XPO6: variants seen among roughly 807,000 people sequenced by gnomAD.
The protein encoded by XPO6 is exportin 6.
A neutral mutation model predicts 130.0 loss-of-function variants in XPO6; 3 were observed. That is an observed-to-expected ratio of 0.02 (90% confidence interval 0.01 to 0.06). The LOEUF (loss-of-function observed/expected upper bound fraction) is 0.06. XPO6 is among the 10% of genes least tolerant of loss of function. The pLI is 1.00. For synonymous variants in XPO6, 524 were observed against 548.9 expected (o/e 0.95, Z 0.63); for missense variants, 970 against 1,393.0 (o/e 0.70, Z 4.83).
chr16:28,194,634 C>A (rs2141895548), intron 1 of XPO6, among the ~76,000 whole-genome samples: 1 of 152,238 alleles, frequency 6.6e-6, no homozygotes, highest in African/African-American at 2.4e-5. Context: ...CAGAAAAGCC[C>A]TGCACTAAAG....
Position 28,166,528 on chromosome 16 carries a change from G to T in XPO6, c.623C>A (p.Ser208Tyr), listed in dbSNP as rs1379137492. 8.2e-6 allele frequency: 13 copies of T among 1,592,608 alleles called. No homozygotes were observed. Among genetic ancestry groups the T allele is most frequent in the Non-Finnish European group, 1.1e-5 (13 of 1,168,428 alleles). ...CATACCACTTTCTCCTGAGGTCGGG[G>T]ATGGTGGTGGAGTGGCAGCAGTAAC... Reference protein sequence around the residue: ...HSVTAATPPPSPTSGESGDLL... With the variant: ...HSVTAATPPPYPTSGESGDLL... The change falls in exon 6 of 24, where the codon TCC (serine) becomes TAC (tyrosine). Residue 208 changes from serine (S) to tyrosine (Y), a missense_variant. This residue lies in a region of XPO6 where 936 missense variants were observed against 1,306.8 expected (regional missense o/e 0.72). Coordinates refer to ENST00000304658, the MANE Select transcript of XPO6 (RefSeq NM_015171.4).
At chr16:28,175,793 G>A in intron 4 of XPO6, 105 bp downstream of exon 4, 1 of 907,844 alleles carries the variant, frequency 1.1e-6, no homozygotes, top group Non-Finnish European at 1.7e-6. Context: ...CCTCACTACT[G>A]CAGTTCCAAA....
intron 16 of XPO6, among the ~76,000 whole-genome samples, chr16:28,112,481 T>C (rs1169291794): frequency 6.6e-6 from 1 of 152,202 alleles, no homozygotes; most frequent in East Asian, 1.9e-4. Context: ...TTAGGTGGTT[T>C]TTAAACTTCT....
Position 28,156,355 on chromosome 16 carries a change from G to A in XPO6, c.816C>T (p.Thr272=). The change falls in exon 7 of 24, where the codon ACC becomes ACT. Residue 272 remains threonine, a synonymous_variant. Coordinates refer to ENST00000304658, the MANE Select transcript of XPO6 (RefSeq NM_015171.4). ...LSASITPSLL[T]TIFHFARFGC... is the part of the protein sequence containing the mutation. ...CAAATCGTGCAAAGTGGAAGATGGT[G>A]GTAAGGAGGGATGGGGTGATGCTGG... 6.2e-7 allele frequency: 1 copy of A among 1,614,012 alleles called. No individual in the cohort carries two copies. Among genetic ancestry groups the A allele is most frequent in the Non-Finnish European group, 8.5e-7 (1 of 1,180,008 alleles).
chr16:28,153,070 T>C, intron 7 of XPO6: 7 of 1,062,374 alleles, frequency 6.6e-6, no homozygotes, highest in Non-Finnish European at 8.0e-6. Flanking sequence ...TGTGACCCAA[T>C]TAAAGTGAAG....
chr16:28,109,177 T>TA (rs1203503883), intron 17 of XPO6, among the ~76,000 whole-genome samples: 2 of 149,948 alleles, frequency 1.3e-5, no homozygotes, highest in Non-Finnish European at 2.9e-5. Context: ...AAGATGTATT[T>TA]AAAAAAAATA....
At chr16:28,126,300 T>C (rs558256059) in intron 12 of XPO6, among the ~76,000 whole-genome samples, 1 of 152,238 alleles carries the variant, frequency 6.6e-6, no homozygotes, top group East Asian at 1.9e-4. Flanking sequence ...GGGCCCTATC[T>C]CAGAATGAAA....
intron 8 of XPO6, among the ~76,000 whole-genome samples, chr16:28,150,124 G>A (rs538906671): frequency 6.6e-6 from 1 of 152,284 alleles, no homozygotes; most frequent in Non-Finnish European, 1.5e-5. Context: ...GTACCTTTCA[G>A]GTTCCTGTCC....
chr16:28,207,702 T>A (rs1015475176), intron 1 of XPO6, among the ~76,000 whole-genome samples: 5 of 152,156 alleles, frequency 3.3e-5, no homozygotes, highest in Admixed American at 2.0e-4. Flanking sequence ...GAGCACAGGC[T>A]CCGGAGTACA....
chr16:28,123,850 C>T lies in XPO6; in HGVS notation c.1766+1839G>A, dbSNP rs575166515. On this transcript the variant is annotated intron_variant, in intron 13 of 23. Transcript: ENST00000304658. ...ATGTAACCAATAAATGAAAACACTG[C>T]TAATCATACTGGCTATTAAGGTCAT... Among the ~76,000 whole-genome samples the T allele has an allele frequency of 2.6e-5, 4 of 152,270 alleles. No individual in the cohort carries two copies. In the South Asian group the frequency reaches 8.3e-4, roughly 32 times the overall value.
chr16:28,133,006 G>T (rs557874117), intron 11 of XPO6, among the ~76,000 whole-genome samples: 23 of 152,202 alleles, frequency 1.5e-4, no homozygotes, highest in Non-Finnish European at 1.2e-4. Flanking sequence ...AGCTTTCCAG[G>T]AGAGAACACA....
chr16:28,143,026 CAAAGGCAT>C (rs1294162604), intron 9 of XPO6, among the ~76,000 whole-genome samples: 2 of 152,068 alleles, frequency 1.3e-5, no homozygotes, highest in East Asian at 1.9e-4. Flanking sequence ...TTTTATTTTT[CAAAGGCAT>C]AAAGGCATTA....
intron 1 of XPO6, among the ~76,000 whole-genome samples, chr16:28,199,494 C>A (rs1054223967): frequency 6.6e-6 from 1 of 152,034 alleles, no homozygotes; most frequent in African/African-American, 2.4e-5. Flanking sequence ...TCAGGCTGGT[C>A]TCAAACTCCT....
chr16:28,100,110 C>G (rs2086624622), intron 23 of XPO6, among the ~76,000 whole-genome samples: 2 of 152,116 alleles, frequency 1.3e-5, no homozygotes, highest in Non-Finnish European at 2.9e-5. Context: ...GCCTCAGCCT[C>G]CCAAGCAGCT....
intron 4 of XPO6, among the ~76,000 whole-genome samples, chr16:28,171,872 A>G (rs2043455049): frequency 6.6e-6 from 1 of 152,144 alleles, no homozygotes; most frequent in Non-Finnish European, 1.5e-5. Context: ...TTATCAGTCT[A>G]TATTCTAAAA....
intron 6 of XPO6, among the ~76,000 whole-genome samples, chr16:28,159,518 G>A (rs903529323): frequency 2.0e-5 from 3 of 152,098 alleles, no homozygotes; most frequent in Non-Finnish European, 4.4e-5. Context: ...TTCTTCTCAA[G>A]GAGGATAACA....
Position 28,101,856 on chromosome 16 carries a change from C to T in XPO6, c.3036G>A (p.Leu1012=), listed in dbSNP as rs370852236. The change falls in exon 22 of 24, where the codon CTG becomes CTA. Residue 1012 remains leucine, a synonymous_variant. Transcript: ENST00000304658. This position sits in a 1 kb window ranked among gnomAD's most constrained non-coding sequence, Gnocchi z 5.4. ...GAGCTGGGGCACTTACCTTGTGGTA[C>T]AGCTTCTGCTTGGTGTTGAGAGTCT... ...YLETLNTKQK[L]YHKKIFRTAM... 4 of 1,613,968 alleles carry T rather than the reference C, an allele frequency of 2.5e-6. No individual in the cohort carries two copies. The highest frequency in any genetic ancestry group is 2.2e-5 in the East Asian group (1 of 44,864).
rs1176288305 is a variant in XPO6, at chr16:28,132,847, T to G, written c.1537-444A>C. On this transcript the variant is annotated intron_variant, in intron 11 of 23. Coordinates refer to ENST00000304658, the MANE Select transcript of XPO6 (RefSeq NM_015171.4). This position sits in a 1 kb window ranked among gnomAD's most constrained non-coding sequence, Gnocchi z 4.0. ...TAAGCACATGGTAAAGTGATAAGAT[T>G]GGCCAAATTATTTGGAAGTCAGTTC... Among the ~76,000 whole-genome samples, 2 of 152,162 alleles carry G rather than the reference T, an allele frequency of 1.3e-5. No homozygotes were observed.
At chr16:28,134,802 C>CAGG (rs2042743787) in intron 10 of XPO6, among the ~76,000 whole-genome samples, 1 of 152,112 alleles carries the variant, frequency 6.6e-6, no homozygotes. Flanking sequence ...TAATGTACTC[C>CAGG]AAACAGACTT....
Sources: gnomAD v4.1 joint callset for allele counts (sites outside exome capture counted in the v4.1 genomes callset) on GRCh38, gnomAD v4.1.1 for gene constraint, gnomAD v4.1.1 regional missense constraint, Gnocchi (gnomAD v3.1) non-coding constraint, MANE v1.5 for transcripts, NCBI Gene and HGNC (gene_info 2026-07-23, HGNC 2026-07-21) for gene names.